The following CTH variants were observed in gnomAD, a reference collection of about 807,000 sequenced individuals.
The protein encoded by CTH is cystathionine gamma-lyase.
Under a neutral mutation model 50.6 loss-of-function variants are expected in CTH, and 41 were observed. The observed-to-expected ratio is 0.81, with a 90% CI of 0.63 to 1.05. The LOEUF (loss-of-function observed/expected upper bound fraction) is 1.05. CTH is among the 50% of genes least tolerant of loss of function. The pLI is 0.00. For missense variants in CTH, 470 were observed against 492.6 expected (o/e 0.95, Z 0.43); for synonymous variants, 156 against 168.9 (o/e 0.92, Z 0.59).
chr1:70,415,550 A>C, intron 1 of CTH, among the ~76,000 whole-genome samples: 1 of 152,262 alleles, frequency 6.6e-6, no homozygotes, highest in East Asian at 1.9e-4. Context: ...CATAATAAAC[A>C]TACTAATAAT....
At chr1:70,435,780 G>C (rs1014280318) in intron 10 of CTH, among the ~76,000 whole-genome samples, 3 of 152,088 alleles carry the variant, frequency 2.0e-5, no homozygotes, top group Non-Finnish European at 4.4e-5. Flanking sequence ...ATTGGTACAA[G>C]AAGCAGTCTA....
chr1:70,428,777 A>T (rs1003574811), intron 5 of CTH, among the ~76,000 whole-genome samples: 1 of 151,578 alleles, frequency 6.6e-6, no homozygotes. Context: ...TGCTCAGCTA[A>T]TTTTTTTGTA....
intron 3 of CTH, among the ~76,000 whole-genome samples, chr1:70,420,902 G>T (rs1450746818): frequency 6.6e-6 from 1 of 151,950 alleles, no homozygotes; most frequent in Non-Finnish European, 1.5e-5. Flanking sequence ...ACCATCAAAA[G>T]TCTAGTTTCT....
intron 10 of CTH, 82 bp downstream of exon 10, chr1:70,435,259 G>A: frequency 8.1e-7 from 1 of 1,239,080 alleles, no homozygotes; most frequent in Non-Finnish European, 1.2e-6. Flanking sequence ...TAAGGTCAGG[G>A]ATAATTCAAG....
intron 7 of CTH, chr1:70,431,248 T>A (rs1221041039): frequency 1.3e-5 from 2 of 152,226 alleles, no homozygotes; most frequent in Non-Finnish European, 2.9e-5. Context: ...TGAGTTTTTT[T>A]ATTTTCATGT....
At chr1:70,428,755 T>C (rs531147112) in intron 5 of CTH, among the ~76,000 whole-genome samples, 185 of 151,780 alleles carry the variant, frequency 1.2e-3, no homozygotes, top group African/African-American at 4.3e-3. Context: ...GGATTACAGG[T>C]GCGTGCCACC....
chr1:70,418,104 A>G lies in CTH; in HGVS notation c.346+72A>G, dbSNP rs906685640. On this transcript the variant is annotated intron_variant, in intron 3 of 11. Coordinates refer to ENST00000370938, the MANE Select transcript of CTH (RefSeq NM_001902.6). ...ATAATAAAGTGAGCCCTGAATTAAT[A>G]TTAACAATGTTGCCAGTATTTTTGA... 1.2e-5 allele frequency: 18 copies of G among 1,529,560 alleles called. No individual in the cohort carries two copies. The East Asian group carries it at 3.9e-4, about 33-fold the overall frequency. The allele number at this position is 1,529,560 out of a possible 1,614,324, so 94.7% of individuals were successfully genotyped here.
chr1:70,416,129 A>G (rs1024202283), intron 2 of CTH, 92 bp downstream of exon 2: 10 of 826,318 alleles, frequency 1.2e-5, no homozygotes, highest in Non-Finnish European at 2.1e-5. Flanking sequence ...AAAGAAACAG[A>G]TTTGCTAGTT....
intron 10 of CTH, among the ~76,000 whole-genome samples, chr1:70,436,148 TA>T (rs202014783): frequency 0.15 from 21,073 of 144,392 alleles, 1,508 homozygotes; most frequent in Middle Eastern, 0.2. Context: ...CTGTCTCTCC[TA>T]AAAAAAAAAA....
In CTH at chr1:70,411,444, G is replaced by T. The variant is rs940571691; in HGVS notation, c.29G>T (p.Gly10Val). 1 of 1,613,972 alleles carries T rather than the reference G, an allele frequency of 6.2e-7. No homozygotes were observed. The highest frequency in any genetic ancestry group is 1.3e-5 in the African/African-American group (1 of 74,914). Reference sequence around the variant, plus strand: ...CAGGAAAAAGACGCCTCCTCACAAGGTTTCCTGCCACACTTCCAACATTTC... The same window carrying T: ...CAGGAAAAAGACGCCTCCTCACAAGTTTTCCTGCCACACTTCCAACATTTC... MQEKDASSQ[G>V]FLPHFQHFAT... Residue 10 changes from glycine (G) to valine (V), a missense_variant, in exon 1 of 12, where the codon GGT (glycine) becomes GTT (valine). By Grantham distance (109) the Gly-to-Val change is moderately radical. Coordinates refer to ENST00000370938, the MANE Select transcript of CTH (RefSeq NM_001902.6).
Position 70,425,385 on chromosome 1 carries a change from C to T in CTH, c.588+969C>T, listed in dbSNP as rs140679215. Reference sequence around the variant, plus strand: ...GCTGGGAAGTCCTCAATCAAAGTGCCAGCAGATTCAGTACCGGTGAGGGCC... The same window carrying T: ...GCTGGGAAGTCCTCAATCAAAGTGCTAGCAGATTCAGTACCGGTGAGGGCC... On this transcript the variant is annotated intron_variant, in intron 5 of 11. Transcript: ENST00000370938. Among the ~76,000 whole-genome samples the T allele has an allele frequency of 1.7e-3, 257 of 152,236 alleles. 1 individual carries two copies. In the Middle Eastern group the frequency reaches 0.027, roughly 16 times the overall value.
rs745320252 is a variant in CTH, at chr1:70,411,567, C to G, written c.152C>G (p.Ala51Gly). The G allele has an allele frequency of 6.2e-7, 1 of 1,613,836 alleles. No individual in the cohort carries two copies. Among genetic ancestry groups the G allele is most frequent in the South Asian group, 1.1e-5 (1 of 91,082 alleles). Residue 51 changes from alanine to glycine, a missense_variant, in exon 1 of 12, where the codon GCG becomes GGG. Physicochemically the swap from Ala to Gly is moderately conservative, Grantham distance 60. Coordinates refer to ENST00000370938, the MANE Select transcript of CTH (RefSeq NM_001902.6). ...ISLSTTFKQG[A>G]PGQHSGFEYS... ...CTGTCCACCACGTTCAAGCAAGGGGCGCCTGGCCAGCACTCGGTGAGCTGG... is the reference window on the plus strand; with the variant it reads ...CTGTCCACCACGTTCAAGCAAGGGGGGCCTGGCCAGCACTCGGTGAGCTGG...
intron 11 of CTH, 124 bp downstream of exon 11, chr1:70,438,950 T>C: frequency 1.3e-6 from 2 of 1,585,470 alleles, no homozygotes; most frequent in South Asian, 1.1e-5. Context: ...TCTGTTCCTG[T>C]AATAGACCAG....
intron 10 of CTH, among the ~76,000 whole-genome samples, chr1:70,437,394 A>G (rs1449442982): frequency 1.3e-5 from 2 of 152,224 alleles, no homozygotes; most frequent in Admixed American, 6.5e-5. Flanking sequence ...CAGGTGTTAT[A>G]TCCAATTTTT....
In CTH at chr1:70,420,330, A is replaced by T. The variant is rs140659100; in HGVS notation, c.347-1236A>T. Among the ~76,000 whole-genome samples, 127 of 152,238 alleles carry T rather than the reference A, an allele frequency of 8.3e-4. No individual in the cohort carries two copies. In the Middle Eastern group the frequency reaches 0.01, roughly 12 times the overall value. ...TTTGTAGAATACAATTTTTCCAGGG[A>T]CAGGGGGATGGTTCCAGGATGAAAC... On this transcript the variant is annotated intron_variant, in intron 3 of 11. Coordinates refer to ENST00000370938, the MANE Select transcript of CTH (RefSeq NM_001902.6).
intron 10 of CTH, among the ~76,000 whole-genome samples, chr1:70,437,019 C>G (rs1443662841): frequency 1.3e-5 from 2 of 152,194 alleles, no homozygotes; most frequent in African/African-American, 4.8e-5. Context: ...TCTCCCAACT[C>G]TGCTGCTACT....
In CTH at chr1:70,432,248, G is replaced by T. The variant is rs538608369; in HGVS notation, c.877+13G>T. Reference sequence around the variant, plus strand: ...GTTATTTATCCTGGTATGTTAATTTGATTTCTAAGCAGATCTACTAGGATT... The same window carrying T: ...GTTATTTATCCTGGTATGTTAATTTTATTTCTAAGCAGATCTACTAGGATT... On this transcript the variant is annotated intron_variant, in intron 8 of 11. Coordinates refer to ENST00000370938, the MANE Select transcript of CTH (RefSeq NM_001902.6). 2.2e-5 allele frequency: 35 copies of T among 1,613,942 alleles called. 1 individual carries two copies. The South Asian group carries it at 3.7e-4, about 17-fold the overall frequency.
At chr1:70,415,505 A>G (rs537986814) in intron 1 of CTH, among the ~76,000 whole-genome samples, 2 of 152,348 alleles carry the variant, frequency 1.3e-5, no homozygotes, top group Admixed American at 1.3e-4. Flanking sequence ...CCCTTTTCCT[A>G]ATGTTTCCAG....
In CTH at chr1:70,432,455, G is replaced by C. The variant is rs150637008; in HGVS notation, c.877+220G>C. ...ATTGCCTCTAGTTTAGTGGATGCTT[G>C]GATAGTAGAAAATCAGTTTTATGCA... On this transcript the variant is annotated intron_variant, in intron 8 of 11. Coordinates refer to ENST00000370938, the MANE Select transcript of CTH (RefSeq NM_001902.6). Among the ~76,000 whole-genome samples the C allele has an allele frequency of 1.2e-3, 176 of 152,238 alleles. 1 individual carries two copies. Among genetic ancestry groups the C allele is most frequent in the African/African-American group, 3.9e-3 (163 of 41,544 alleles).
Sources: gnomAD v4.1 joint callset for allele counts (sites outside exome capture counted in the v4.1 genomes callset) on GRCh38, gnomAD v4.1.1 for gene constraint, MANE v1.5 for transcripts, NCBI Gene and HGNC (gene_info 2026-07-23, HGNC 2026-07-21) for gene names.